Variants in PLEKHA5 observed in about 807,000 individuals in gnomAD.
The protein encoded by PLEKHA5 is pleckstrin homology domain containing A5, also known as pleckstrin homology domain-containing family A member 5.
A neutral mutation model predicts 181.9 loss-of-function variants in PLEKHA5; 55 were observed. The ratio of observed to expected loss-of-function variants is 0.30; its 90% CI spans 0.24 to 0.38. The LOEUF (loss-of-function observed/expected upper bound fraction) is 0.38, where lower values mean the gene tolerates loss of function less well. PLEKHA5 is among the 10% of genes least tolerant of loss of function. The probability of loss-of-function intolerance (pLI) is 1.00; values close to 1 mark genes in which losing one functional copy is unlikely to be tolerated. For synonymous variants in PLEKHA5, 535 were observed against 529.4 expected (o/e 1.01, Z -0.15); for missense variants, 1,432 against 1,549.5 (o/e 0.92, Z 1.27).
At chr12:19,258,120 A>T (rs1038997644) in intron 6 of PLEKHA5, among the ~76,000 whole-genome samples, 5 of 151,684 alleles carry the variant, frequency 3.3e-5, no homozygotes, top group South Asian at 2.1e-4. Context: ...TGATTGGTTG[A>T]TATTGCTGCA....
chr12:19,220,474 A>G (rs536118054), intron 3 of PLEKHA5, among the ~76,000 whole-genome samples: 10 of 152,252 alleles, frequency 6.6e-5, no homozygotes, highest in Admixed American at 4.6e-4. Flanking sequence ...GTCATTCATG[A>G]CTCATTTTAA....
chr12:19,297,754 T>TTA (rs199993094), intron 15 of PLEKHA5, among the ~76,000 whole-genome samples: 350 of 25,456 alleles, frequency 0.014, no homozygotes, highest in African/African-American at 0.018. Context: ...TAAATTATTA[T>TTA]TTTTTTTTTT....
Position 19,310,548 on chromosome 12 carries a change from T to G in PLEKHA5, c.2038-4266T>G, listed in dbSNP as rs972056274. ...TTGCTTGAACTCGGGAGGCAGAGGT[T>G]GAAGTGAGCCAAAATGGTGCCATTG... On this transcript the variant is annotated intron_variant, in intron 15 of 31. Coordinates refer to ENST00000429027, the MANE Select transcript of PLEKHA5 (RefSeq NM_001256470.2). 2.8e-5 allele frequency among the ~76,000 whole-genome samples: 4 copies of G among 142,726 alleles called. No homozygotes were observed. The Admixed American group carries it at 3.0e-4, about 11-fold the overall frequency. The allele number at this position is 142,726 out of a possible 152,430, so 93.6% of individuals were successfully genotyped here. A position where few individuals can be genotyped will look rare whatever the true frequency, so the allele number is the denominator to read the frequency against.
chr12:19,347,548 G>C (rs2094397683), intron 24 of PLEKHA5, among the ~76,000 whole-genome samples: 1 of 152,130 alleles, frequency 6.6e-6, no homozygotes, highest in South Asian at 2.1e-4. Flanking sequence ...ACCGTTACTA[G>C]GGATGGTAAA....
At chr12:19,324,130 C>G (rs910154544) in intron 20 of PLEKHA5, among the ~76,000 whole-genome samples, 2 of 152,118 alleles carry the variant, frequency 1.3e-5, no homozygotes, top group Admixed American at 1.3e-4. Context: ...TTAAGAAGGG[C>G]CACAGACAGT....
chr12:19,300,266 G>T (rs374339958), intron 15 of PLEKHA5, among the ~76,000 whole-genome samples: 1 of 152,076 alleles, frequency 6.6e-6, no homozygotes, highest in Non-Finnish European at 1.5e-5. Context: ...CAAAGTTAAT[G>T]GATCATTCTG....
At chr12:19,188,840 A>G (rs925961117) in intron 3 of PLEKHA5, among the ~76,000 whole-genome samples, 1 of 152,200 alleles carries the variant, frequency 6.6e-6, no homozygotes, top group Admixed American at 6.5e-5. Flanking sequence ...AAGGCATTAT[A>G]TATACTTAAT....
chr12:19,350,743 A>G (rs2153220051), intron 25 of PLEKHA5, among the ~76,000 whole-genome samples: 1 of 152,186 alleles, frequency 6.6e-6, no homozygotes, highest in Admixed American at 6.6e-5. Flanking sequence ...ACTCCAGCCT[A>G]GACAGTGACT....
At chr12:19,344,143 G>A (rs2094150358) in intron 22 of PLEKHA5, among the ~76,000 whole-genome samples, 1 of 152,022 alleles carries the variant, frequency 6.6e-6, no homozygotes, top group Admixed American at 6.6e-5. Flanking sequence ...ATTGGTATGT[G>A]GCACATGACT....
At chr12:19,205,340 G>T in intron 3 of PLEKHA5, 9 of 981,696 alleles carry the variant, frequency 9.2e-6, no homozygotes, top group Non-Finnish European at 1.1e-5. Flanking sequence ...AGATCACGGT[G>T]TGCCCCTTTG....
chr12:19,149,248 TC>T (rs960522751), intron 3 of PLEKHA5, among the ~76,000 whole-genome samples: 2 of 151,914 alleles, frequency 1.3e-5, no homozygotes, highest in African/African-American at 4.8e-5. Flanking sequence ...TTGCCTGTAA[TC>T]CCAGCACTTT....
chr12:19,359,806 G>T (rs1044892134), intron 28 of PLEKHA5, among the ~76,000 whole-genome samples: 1 of 150,686 alleles, frequency 6.6e-6, no homozygotes, highest in Non-Finnish European at 1.5e-5. Flanking sequence ...TACTAAAAAT[G>T]CAAAAAAAAA....
At chr12:19,248,486 A>G (rs1419516485) in intron 3 of PLEKHA5, among the ~76,000 whole-genome samples, 2 of 151,994 alleles carry the variant, frequency 1.3e-5, no homozygotes, top group Non-Finnish European at 2.9e-5. Context: ...GCTTAATACC[A>G]TATTTTTTAA....
At chr12:19,156,658 G>A (rs923502901) in intron 3 of PLEKHA5, among the ~76,000 whole-genome samples, 14 of 151,768 alleles carry the variant, frequency 9.2e-5, no homozygotes, top group Non-Finnish European at 2.9e-5. Context: ...AGATTATGAT[G>A]TTGATATCAT....
intron 3 of PLEKHA5, among the ~76,000 whole-genome samples, chr12:19,169,560 A>G (rs190195034): frequency 1.5e-3 from 233 of 152,372 alleles, no homozygotes; most frequent in Middle Eastern, 6.8e-3. Flanking sequence ...AAATGCACAC[A>G]TTGAATCTAA....
chr12:19,295,960 A>C (rs2079649932), intron 15 of PLEKHA5, among the ~76,000 whole-genome samples: 1 of 152,220 alleles, frequency 6.6e-6, no homozygotes, highest in Non-Finnish European at 1.5e-5. Flanking sequence ...GGCTGGGCAC[A>C]GTGGCTCATG....
At chr12:19,346,234 C>T (rs957418585) in intron 23 of PLEKHA5, among the ~76,000 whole-genome samples, 1 of 152,066 alleles carries the variant, frequency 6.6e-6, no homozygotes, top group African/African-American at 2.4e-5. Flanking sequence ...GTATGTCATG[C>T]GTAGCATAAA....
intron 3 of PLEKHA5, among the ~76,000 whole-genome samples, chr12:19,158,130 A>C (rs576017868): frequency 6.6e-6 from 1 of 152,208 alleles, no homozygotes; most frequent in African/African-American, 2.4e-5. Flanking sequence ...AGGTGGATGG[A>C]TCACGAGGTC....
intron 3 of PLEKHA5, among the ~76,000 whole-genome samples, chr12:19,190,969 G>A (rs1444855526): frequency 6.6e-6 from 1 of 152,336 alleles, no homozygotes; most frequent in Non-Finnish European, 1.5e-5. Flanking sequence ...AACTGGACGA[G>A]TGTGGTGACT....
Sources: gnomAD v4.1 joint callset for allele counts (sites outside exome capture counted in the v4.1 genomes callset) on GRCh38, gnomAD v4.1.1 for gene constraint, MANE v1.5 for transcripts, NCBI Gene and HGNC (gene_info 2026-07-23, HGNC 2026-07-21) for gene names.